Variants in ZRANB3 observed in about 807,000 individuals in gnomAD.
ZRANB3 encodes the protein zinc finger RANBP2-type containing 3.
ZRANB3 carries 125 observed loss-of-function variants against 133.8 expected under a neutral mutation model. The observed-to-expected ratio is 0.93, with a 90% CI of 0.81 to 1.08. The LOEUF is 1.08. Among genes scored for constraint, ZRANB3 ranks in the 50% least tolerant of loss-of-function variants. ZRANB3 has a pLI of 0.00. For missense variants in ZRANB3, 1,229 were observed against 1,275.5 expected (o/e 0.96, Z 0.56); for synonymous variants, 387 against 432.7 (o/e 0.89, Z 1.31).
At chr2:135,237,415 A>G (rs1459188500) in intron 12 of ZRANB3, among the ~76,000 whole-genome samples, 1 of 152,114 alleles carries the variant, frequency 6.6e-6, no homozygotes, top group Admixed American at 6.5e-5. Context: ...TAGAAATACT[A>G]TTTGACCCAG....
intron 2 of ZRANB3, among the ~76,000 whole-genome samples, chr2:135,404,201 TG>T: frequency 6.6e-6 from 1 of 152,064 alleles, no homozygotes; most frequent in Non-Finnish European, 1.5e-5. Context: ...TCAAAAACCT[TG>T]AAAAAAATTA....
intron 2 of ZRANB3, among the ~76,000 whole-genome samples, chr2:135,395,179 C>A (rs1288069260): frequency 1.3e-5 from 2 of 151,968 alleles, no homozygotes; most frequent in Non-Finnish European, 2.9e-5. Flanking sequence ...GAATAGAGAA[C>A]CGAGAAACAA....
chr2:135,326,343 C>T (rs191657722), intron 6 of ZRANB3, among the ~76,000 whole-genome samples: 1 of 152,024 alleles, frequency 6.6e-6, no homozygotes, highest in Admixed American at 6.5e-5. Flanking sequence ...TTTGGCGCAC[C>T]CATCACCCAA....
At chr2:135,406,338 C>T (rs1416263972) in intron 2 of ZRANB3, among the ~76,000 whole-genome samples, 3 of 152,050 alleles carry the variant, frequency 2.0e-5, no homozygotes, top group African/African-American at 7.2e-5. Context: ...TAATAGTTTA[C>T]CAACCAAAAA....
At chr2:135,296,396 A>G (rs1682095873) in intron 8 of ZRANB3, among the ~76,000 whole-genome samples, 1 of 152,140 alleles carries the variant, frequency 6.6e-6, no homozygotes, top group South Asian at 2.1e-4. Context: ...TGCCTTCGTC[A>G]TGCAGCTCTC....
intron 3 of ZRANB3, among the ~76,000 whole-genome samples, chr2:135,383,863 T>C (rs1311433857): frequency 6.6e-6 from 1 of 152,094 alleles, no homozygotes; most frequent in Non-Finnish European, 1.5e-5. Flanking sequence ...GGGAAATTTA[T>C]ACCACTAAAT....
At chr2:135,331,390 C>A (rs929770253) in intron 6 of ZRANB3, among the ~76,000 whole-genome samples, 7 of 152,146 alleles carry the variant, frequency 4.6e-5, no homozygotes, top group African/African-American at 1.4e-4. Context: ...GTTTCTTAAT[C>A]TTGAGTTCTA....
At chr2:135,408,435 C>T (rs1191885469) in intron 2 of ZRANB3, among the ~76,000 whole-genome samples, 4 of 149,448 alleles carry the variant, frequency 2.7e-5, no homozygotes, top group African/African-American at 1.0e-4. Context: ...AAGGGATCTA[C>T]AACTAGAAAT....
At chr2:135,501,861 C>T (rs1270270250) in intron 2 of ZRANB3, among the ~76,000 whole-genome samples, 2 of 152,128 alleles carry the variant, frequency 1.3e-5, no homozygotes, top group African/African-American at 4.8e-5. Flanking sequence ...ATGCATGTGG[C>T]TGTCCCACTA....
intron 3 of ZRANB3, among the ~76,000 whole-genome samples, chr2:135,366,815 G>A (rs1012275013): frequency 6.6e-6 from 1 of 151,864 alleles, no homozygotes; most frequent in African/African-American, 2.4e-5. Context: ...TCAGGAGATC[G>A]AGACCATCCT....
intron 2 of ZRANB3, among the ~76,000 whole-genome samples, chr2:135,412,126 T>C (rs1243547239): frequency 6.6e-6 from 1 of 152,202 alleles, no homozygotes; most frequent in Admixed American, 6.6e-5. Flanking sequence ...AAAAAAATTT[T>C]TGATATATAC....
chr2:135,416,719 C>A (rs988073879), intron 2 of ZRANB3, among the ~76,000 whole-genome samples: 15 of 152,006 alleles, frequency 9.9e-5, no homozygotes, highest in African/African-American at 3.1e-4. Flanking sequence ...TACTACAAGG[C>A]TACAGTAACC....
At chr2:135,338,989 G>T (rs925720492) in intron 6 of ZRANB3, among the ~76,000 whole-genome samples, 23 of 152,114 alleles carry the variant, frequency 1.5e-4, no homozygotes, top group African/African-American at 4.3e-4. Context: ...TCAATAGATG[G>T]TATAGGCCAG....
At chr2:135,502,853 GA>G in intron 2 of ZRANB3, among the ~76,000 whole-genome samples, 1 of 152,136 alleles carries the variant, frequency 6.6e-6, no homozygotes, top group Non-Finnish European at 1.5e-5. Flanking sequence ...GGTGTAAGGT[GA>G]AAAACACCAG....
intron 2 of ZRANB3, among the ~76,000 whole-genome samples, chr2:135,427,949 T>C (rs1028564158): frequency 1.3e-5 from 2 of 152,130 alleles, no homozygotes; most frequent in African/African-American, 2.4e-5. Context: ...ATAAGCAACA[T>C]GGTAAGGAAC....
chr2:135,228,492 GTT>G (rs1491327649), intron 13 of ZRANB3, among the ~76,000 whole-genome samples: 1 of 152,054 alleles, frequency 6.6e-6, no homozygotes, highest in Non-Finnish European at 1.5e-5. Flanking sequence ...CCATTAAAGA[GTT>G]TTAGGCAAAG....
At chr2:135,366,945 C>T (rs1685966011) in intron 3 of ZRANB3, among the ~76,000 whole-genome samples, 3 of 152,140 alleles carry the variant, frequency 2.0e-5, no homozygotes, top group South Asian at 2.1e-4. Flanking sequence ...GGCGTCAACC[C>T]GGGAGGCAGA....
intron 1 of ZRANB3, among the ~76,000 whole-genome samples, chr2:135,518,426 G>A (rs1447381772): frequency 1.3e-5 from 2 of 152,168 alleles, no homozygotes; most frequent in Non-Finnish European, 2.9e-5. Context: ...GGGTTACGAA[G>A]CCCATGGGAA....
intron 2 of ZRANB3, among the ~76,000 whole-genome samples, chr2:135,410,823 A>C (rs1688269687): frequency 6.6e-6 from 1 of 152,192 alleles, no homozygotes; most frequent in South Asian, 2.1e-4. Flanking sequence ...GACACTTCTC[A>C]AAAGACATAC....
Sources: gnomAD v4.1 joint callset for allele counts (sites outside exome capture counted in the v4.1 genomes callset) on GRCh38, gnomAD v4.1.1 for gene constraint, MANE v1.5 for transcripts, NCBI Gene and HGNC (gene_info 2026-07-23, HGNC 2026-07-21) for gene names.